Variants in FBXW7 observed in about 807,000 individuals in gnomAD.
FBXW7 encodes F-box and WD repeat domain containing 7.
In FBXW7, 11 loss-of-function variants were observed where a neutral mutation model predicts 86.3. The ratio of observed to expected loss-of-function variants is 0.13; its 90% confidence interval spans 0.08 to 0.21. The LOEUF (loss-of-function observed/expected upper bound fraction) is 0.21. Among genes scored for constraint, FBXW7 ranks in the 10% least tolerant of loss-of-function variants. The pLI, the probability that FBXW7 is intolerant of heterozygous loss-of-function variation, is 1.00. For synonymous variants in FBXW7, 313 were observed against 297.9 expected, an observed-to-expected ratio of 1.05 and a Z score of -0.52; for missense variants, 488 against 847.4, an observed-to-expected ratio of 0.58 and a Z score of 5.27.
At chr4:152,403,125 G>A (rs1712122824) in intron 4 of FBXW7, among the ~76,000 whole-genome samples, 1 of 152,084 alleles carries the variant, frequency 6.6e-6, no homozygotes, top group Non-Finnish European at 1.5e-5. Flanking sequence ...TTGGGAATAC[G>A]GGAAGGGAGG....
chr4:152,426,865 GAA>G (rs1739434835), intron 2 of FBXW7, among the ~76,000 whole-genome samples: 1 of 152,134 alleles, frequency 6.6e-6, no homozygotes, highest in Non-Finnish European at 1.5e-5. Context: ...AGAGACGAAG[GAA>G]AGAGAAGGGC....
intron 4 of FBXW7, among the ~76,000 whole-genome samples, chr4:152,365,353 G>GA (rs1198931381): frequency 1.3e-5 from 2 of 152,078 alleles, no homozygotes; most frequent in Non-Finnish European, 2.9e-5. Flanking sequence ...GTTATTTCTT[G>GA]AAAAAAATCA....
At chr4:152,343,243 T>A (rs977754852) in intron 6 of FBXW7, among the ~76,000 whole-genome samples, 1 of 152,184 alleles carries the variant, frequency 6.6e-6, no homozygotes, top group Admixed American at 6.5e-5. Flanking sequence ...GCTAATGGCA[T>A]CTGTGTAAGG....
chr4:152,340,502 C>T (rs558631322), intron 6 of FBXW7, among the ~76,000 whole-genome samples: 1 of 149,878 alleles, frequency 6.7e-6, no homozygotes, highest in African/African-American at 2.5e-5. Context: ...TGGCGTGAAC[C>T]CGGGAGGAGC....
rs1554003395 is a variant in FBXW7 at position 152,527,865 on chromosome 4, T to TATATAC, written c.-120+7075_-120+7076insGTATAT. On this transcript the variant is annotated intron_variant, in intron 2 of 13. Coordinates refer to ENST00000281708, the MANE Select transcript of FBXW7 (RefSeq NM_001349798.2). ...TTTTGTTAAAAATTTAAAAATTATA[T>TATATAC]ACACACACACACACACACACACACA... is the stretch of plus-strand genomic sequence containing the variant. Among the ~76,000 whole-genome samples the TATATAC allele has an allele frequency of 2.2e-5, 3 of 137,396 alleles. 1 individual carries two copies. Among genetic ancestry groups the TATATAC allele is most frequent in the South Asian group, 4.4e-4 (2 of 4,528 alleles). The allele number at this position is 137,396 out of a possible 152,430, so 90.1% of individuals were successfully genotyped here.
At chr4:152,474,169 C>T (rs76884360) in intron 2 of FBXW7, among the ~76,000 whole-genome samples, 2,085 of 152,228 alleles carry the variant, frequency 0.014, 26 homozygotes, top group Middle Eastern at 0.037. Context: ...CTTCTAGTAA[C>T]ATTAAAGATC....
intron 2 of FBXW7, among the ~76,000 whole-genome samples, chr4:152,527,261 T>C (rs1317787397): frequency 1.3e-5 from 2 of 152,246 alleles, no homozygotes; most frequent in Non-Finnish European, 2.9e-5. Context: ...AATTACTGAA[T>C]GCATATTATG....
intron 2 of FBXW7, among the ~76,000 whole-genome samples, chr4:152,497,615 C>CA (rs560284765): frequency 2.4e-4 from 36 of 151,446 alleles, no homozygotes; most frequent in Non-Finnish European, 3.8e-4. Context: ...TTCAAATAGG[C>CA]AAAAAAATCA....
At chr4:152,526,313 G>A (rs897575649) in intron 2 of FBXW7, among the ~76,000 whole-genome samples, 28 of 151,896 alleles carry the variant, frequency 1.8e-4, no homozygotes, top group Non-Finnish European at 2.6e-4. Flanking sequence ...AGCCAATGAA[G>A]GAAAGCATAC....
At chr4:152,509,970 GC>G (rs578053466) in intron 2 of FBXW7, among the ~76,000 whole-genome samples, 146 of 152,328 alleles carry the variant, frequency 9.6e-4, no homozygotes, top group Non-Finnish European at 1.8e-3. Flanking sequence ...CAATTGAGCT[GC>G]GATTAAAACT....
chr4:152,454,335 C>T (rs943405629), intron 2 of FBXW7, among the ~76,000 whole-genome samples: 2 of 136,170 alleles, frequency 1.5e-5, no homozygotes, highest in Non-Finnish European at 3.1e-5. Context: ...ATTGTCTGTG[C>T]TTCTTCACTG....
At chr4:152,426,897 CAG>C (rs1739439265) in intron 2 of FBXW7, among the ~76,000 whole-genome samples, 1 of 152,168 alleles carries the variant, frequency 6.6e-6, no homozygotes, top group Non-Finnish European at 1.5e-5. Flanking sequence ...CTTGGGAAAA[CAG>C]AGTCAAGAAA....
At chr4:152,345,513 G>C (rs1014340529) in intron 6 of FBXW7, among the ~76,000 whole-genome samples, 5 of 151,956 alleles carry the variant, frequency 3.3e-5, no homozygotes, top group Non-Finnish European at 7.4e-5. Flanking sequence ...ATCGTCCTTT[G>C]TATTGCCTCT....
At chr4:152,392,235 A>G (rs902998332) in intron 4 of FBXW7, among the ~76,000 whole-genome samples, 1 of 152,140 alleles carries the variant, frequency 6.6e-6, no homozygotes, top group Admixed American at 6.6e-5. Context: ...TCTTGCCTTA[A>G]TAACAGGCCA....
At chr4:152,516,630 C>T (rs1268598332) in intron 2 of FBXW7, among the ~76,000 whole-genome samples, 1 of 152,188 alleles carries the variant, frequency 6.6e-6, no homozygotes, top group Non-Finnish European at 1.5e-5. Flanking sequence ...ATCATCAAAA[C>T]AATTTCTAAA....
rs142541225 is a variant in FBXW7 at position 152,386,693 on chromosome 4, A to G, written c.501+24610T>C. 5.1e-3 allele frequency among the ~76,000 whole-genome samples: 778 copies of G among 152,254 alleles called. 31 individuals carry two copies. Among genetic ancestry groups the G allele is most frequent in the Admixed American group, 0.049 (742 of 15,278 alleles). ...AGCCATAGTGTCTTGGCATTTTAAGATTCCAGATACCACTGATCATCCAAG... is the reference window on the plus strand; with the variant it reads ...AGCCATAGTGTCTTGGCATTTTAAGGTTCCAGATACCACTGATCATCCAAG... On this transcript the variant is annotated intron_variant, in intron 4 of 13. Coordinates refer to ENST00000281708, the MANE Select transcript of FBXW7 (RefSeq NM_001349798.2).
At chr4:152,325,669 A>C (rs1046789345) in intron 12 of FBXW7, 8 of 227,162 alleles carry the variant, frequency 3.5e-5, no homozygotes, top group Middle Eastern at 1.7e-3. Context: ...TGGCCATATT[A>C]ATCTTCTGCA....
chr4:152,534,006 G>GC (rs1243916769), intron 2 of FBXW7, among the ~76,000 whole-genome samples: 2 of 152,018 alleles, frequency 1.3e-5, no homozygotes, highest in Non-Finnish European at 2.9e-5. Flanking sequence ...ATAAAATTCT[G>GC]CTCTATGTTT....
intron 2 of FBXW7, among the ~76,000 whole-genome samples, chr4:152,457,937 TAA>T (rs773032798): frequency 7.0e-6 from 1 of 142,240 alleles, no homozygotes; most frequent in Admixed American, 7.0e-5. Flanking sequence ...CCACCCCTAC[TAA>T]AAAAAAAAAA....
Sources: allele counts gnomAD v4.1 joint callset (sites outside exome capture counted in the v4.1 genomes callset), GRCh38; gene constraint gnomAD v4.1.1; transcripts MANE v1.5; gene names NCBI Gene and HGNC (gene_info 2026-07-23, HGNC 2026-07-21).